The following SERPINA11 variants were observed in gnomAD, a reference collection of about 807,000 sequenced individuals.
SERPINA11 encodes the protein serpin A11.
SERPINA11 carries 28 observed loss-of-function variants against 29.4 expected under a neutral mutation model. That is an observed-to-expected ratio of 0.95 (90% CI 0.70 to 1.30). The LOEUF (loss-of-function observed/expected upper bound fraction) is 1.30. Among genes scored for constraint, SERPINA11 ranks in the 50% most tolerant of loss-of-function variants. The pLI is 0.00. For missense variants in SERPINA11, 530 were observed against 507.3 expected (o/e 1.04, Z -0.43); for synonymous variants, 253 against 206.6 (o/e 1.22, Z -1.92).
At chr14:94,444,658 C>T (rs1211210720) in intron 3 of SERPINA11, among the ~76,000 whole-genome samples, 1 of 152,184 alleles carries the variant, frequency 6.6e-6, no homozygotes, top group Non-Finnish European at 1.5e-5. Flanking sequence ...TGGCCTCTCC[C>T]CTTGGCCCGT....
rs1898364637 is a variant in SERPINA11 at position 94,442,688 on chromosome 14, C to T, written c.1187G>A (p.Arg396Lys). Residue 396 changes from arginine to lysine, a missense_variant, in exon 5 of 5, where the codon AGG (arginine) becomes AAG (lysine). Physicochemically the swap from Arg to Lys is conservative, Grantham distance 26 (BLOSUM62 2). Coordinates refer to ENST00000334708, the MANE Select transcript of SERPINA11 (RefSeq NM_001080451.2). ...TMSDPHAHFN[R>K]PFLLLLWEVT... ...CTCCCAAAGGAGCAAGAGGAAAGGCCTGTTGAAGTGGGCATGTGGGTCTGA... is the reference window on the plus strand; with the variant it reads ...CTCCCAAAGGAGCAAGAGGAAAGGCTTGTTGAAGTGGGCATGTGGGTCTGA... 4.3e-6 allele frequency: 7 copies of T among 1,613,240 alleles called. No homozygotes were observed. In the African/African-American group the frequency reaches 6.7e-5, roughly 15 times the overall value.
chr14:94,444,147 C>T (rs915147375), intron 3 of SERPINA11, among the ~76,000 whole-genome samples: 7 of 152,134 alleles, frequency 4.6e-5, no homozygotes, highest in South Asian at 4.1e-4. Context: ...GGGTGGGAAG[C>T]AAGACCCGCG....
intron 1 of SERPINA11, among the ~76,000 whole-genome samples, chr14:94,452,347 T>G (rs1339854814): frequency 1.3e-5 from 2 of 152,170 alleles, no homozygotes; most frequent in Non-Finnish European, 2.9e-5. Flanking sequence ...CCAGAGCTCC[T>G]AAGCACCCTT....
Position 94,442,737 on chromosome 14 carries a change from G to GGGAGA in SERPINA11, c.1133_1137dup (p.Gln380SerfsTer7). 2 of 1,613,738 alleles carry GGGAGA rather than the reference G, an allele frequency of 1.2e-6. No homozygotes were observed. The highest frequency in any genetic ancestry group is 1.7e-6 in the Non-Finnish European group (2 of 1,179,882). On this transcript the variant is annotated frameshift_variant, in exon 5 of 5. Coordinates refer to ENST00000334708, the MANE Select transcript of SERPINA11 (RefSeq NM_001080451.2). LOFTEE classifies it low-confidence loss of function (END_TRUNC). ...GACATGGTGTTCAGAGATGGGGGCT[G>GGGAGA]GGAGAGGAGGCCTGAAGCAGCCCCG...
At chr14:94,443,796 G>T (rs28445430) in intron 3 of SERPINA11, among the ~76,000 whole-genome samples, 12 of 152,090 alleles carry the variant, frequency 7.9e-5, no homozygotes, top group African/African-American at 2.9e-4. Context: ...ATGTGTGTTG[G>T]GCATAGGGCA....
chr14:94,448,923 G>A (rs77815912), intron 1 of SERPINA11, 146 bp from the exon 2 acceptor site: 1 of 660,056 alleles, frequency 1.5e-6, no homozygotes, highest in African/African-American at 1.8e-5. Flanking sequence ...TGGATGATTA[G>A]GATTCTGGAC....
intron 1 of SERPINA11, among the ~76,000 whole-genome samples, chr14:94,449,469 C>CT (rs1217788060): frequency 2.1e-4 from 24 of 113,410 alleles, no homozygotes; most frequent in African/African-American, 1.2e-3. Flanking sequence ...TTCTTTCTTT[C>CT]TTTCTTTCTT....
chr14:94,447,370 A>G (rs1595653998), intron 2 of SERPINA11, among the ~76,000 whole-genome samples: 2 of 152,230 alleles, frequency 1.3e-5, no homozygotes, highest in African/African-American at 2.4e-5. Flanking sequence ...CCCACACCCA[A>G]TCAATGACCA....
In SERPINA11 at chr14:94,442,638, G is replaced by C. The variant is rs557049308; in HGVS notation, c.1237C>G (p.Leu413Val). The C allele has an allele frequency of 1.9e-6, 3 of 1,611,586 alleles. No homozygotes were observed. In the Admixed American group the frequency reaches 5.0e-5, roughly 27 times the overall value. Residue 413 changes from leucine to valine, a missense_variant, in exon 5 of 5, where the codon CTG (leucine) becomes GTG (valine). Transcript: ENST00000334708. Reference protein sequence around the residue: ...WEVTTQSLLFLGKVVNPVAG With the variant: ...WEVTTQSLLFVGKVVNPVAG Reference sequence around the variant, plus strand: ...GCAACTGGGTTGACAACTTTTCCCAGGAAGAGTAAGCTCTGGGTGGTGACC... The same window carrying C: ...GCAACTGGGTTGACAACTTTTCCCACGAAGAGTAAGCTCTGGGTGGTGACC...
rs1898438876 is a variant in SERPINA11, at chr14:94,446,372, C to T, written c.876G>A (p.Gln292=). ...GKMKQVEAAL[Q]PQTLRKWGQL... ...GGCCCCATTTTCTCAGGGTCTGTGG[C>T]TGCAGAGCAGCCTCCACCTGCTTCA... The change falls in exon 3 of 5, where the codon CAG becomes CAA. Residue 292 remains glutamine, a synonymous_variant. Transcript: ENST00000334708. 7 of 1,613,862 alleles carry T rather than the reference C, an allele frequency of 4.3e-6. No individual in the cohort carries two copies. Among genetic ancestry groups the T allele is most frequent in the Admixed American group, 1.7e-5 (1 of 59,998 alleles).
chr14:94,447,893 C>T (rs1452472320), intron 2 of SERPINA11, among the ~76,000 whole-genome samples: 7 of 152,342 alleles, frequency 4.6e-5, no homozygotes, highest in Admixed American at 3.9e-4. Context: ...GGATGGGTGT[C>T]TCTTTTGGGA....
At chr14:94,450,170 AT>A (rs966394366) in intron 1 of SERPINA11, among the ~76,000 whole-genome samples, 17 of 151,860 alleles carry the variant, frequency 1.1e-4, no homozygotes, top group African/African-American at 3.1e-4. Flanking sequence ...AAACCTCTCT[AT>A]TTTTTTTATT....
chr14:94,450,747 C>G (rs923851825), intron 1 of SERPINA11, among the ~76,000 whole-genome samples: 2 of 152,130 alleles, frequency 1.3e-5, no homozygotes, highest in Admixed American at 1.3e-4. Flanking sequence ...CAAAGTGGTA[C>G]AGGAGCAGGA....
chr14:94,446,382 G>C lies in SERPINA11; in HGVS notation c.866C>G (p.Ala289Gly). The change falls in exon 3 of 5, where the codon GCT (alanine) becomes GGT (glycine). Residue 289 changes from alanine (A) to glycine (G), a missense_variant. Ala to Gly is a moderately conservative substitution (Grantham distance 60). Coordinates refer to ENST00000334708, the MANE Select transcript of SERPINA11 (RefSeq NM_001080451.2). ...TCTCAGGGTCTGTGGCTGCAGAGCA[G>C]CCTCCACCTGCTTCATTTTCCCCGG... ...PDPGKMKQVE[A>G]ALQPQTLRKW... 1 of 1,614,076 alleles carries C rather than the reference G, an allele frequency of 6.2e-7. No homozygotes were observed. Among genetic ancestry groups the C allele is most frequent in the Non-Finnish European group, 8.5e-7 (1 of 1,179,978 alleles).
In SERPINA11 at chr14:94,448,340, C is replaced by T; in HGVS notation, c.435G>A (p.Lys145=). The T allele has an allele frequency of 6.2e-7, 1 of 1,614,228 alleles. No homozygotes were observed. The change falls in exon 2 of 5, where the codon AAG becomes AAA. Residue 145 remains lysine (K), a synonymous_variant. Transcript: ENST00000334708. ...LKVGNSLFLD[K]RLKPRQHYLD... Reference sequence around the variant, plus strand: ...AATAGTGCTGCCGAGGCTTTAGTCGCTTGTCTAGGAACAGGGAGTTTCCTA... The same window carrying T: ...AATAGTGCTGCCGAGGCTTTAGTCGTTTGTCTAGGAACAGGGAGTTTCCTA...
At chr14:94,449,372 A>G (rs1007651427) in intron 1 of SERPINA11, among the ~76,000 whole-genome samples, 1 of 142,226 alleles carries the variant, frequency 7.0e-6, no homozygotes, top group African/African-American at 2.7e-5. Flanking sequence ...AACAACTTCC[A>G]TAGTCTAGCC....
intron 3 of SERPINA11, among the ~76,000 whole-genome samples, chr14:94,444,868 C>T (rs960631500): frequency 1.2e-4 from 18 of 152,160 alleles, no homozygotes; most frequent in African/African-American, 4.3e-4. Flanking sequence ...GTGGGCTCTG[C>T]ACCACCCAGC....
intron 1 of SERPINA11, among the ~76,000 whole-genome samples, chr14:94,451,184 T>G (rs1031117290): frequency 3.9e-5 from 6 of 152,230 alleles, no homozygotes; most frequent in African/African-American, 1.4e-4. Flanking sequence ...GATTATATTT[T>G]TGCAAATGGG....
chr14:94,450,654 C>G (rs137955238), intron 1 of SERPINA11, among the ~76,000 whole-genome samples: 6 of 152,280 alleles, frequency 3.9e-5, no homozygotes, highest in Admixed American at 1.3e-4. Context: ...TAAGATAGCC[C>G]TTGCAAACTA....
Sources: allele counts gnomAD v4.1 joint callset (sites outside exome capture counted in the v4.1 genomes callset), GRCh38; gene constraint gnomAD v4.1.1; transcripts MANE v1.5; gene names NCBI Gene and HGNC (gene_info 2026-07-23, HGNC 2026-07-21).